The following DSCAM variants were observed in gnomAD, a reference collection of about 807,000 sequenced individuals.
DSCAM encodes the protein cell adhesion molecule DSCAM.
DSCAM carries 47 observed loss-of-function variants against 217.7 expected under a neutral mutation model. The observed-to-expected ratio is 0.22, with a 90% CI of 0.17 to 0.28. The LOEUF (loss-of-function observed/expected upper bound fraction) is 0.28, where lower values mean the gene tolerates loss of function less well. Among genes scored for constraint, DSCAM ranks in the 10% least tolerant of loss-of-function variants. DSCAM has a pLI of 1.00. For synonymous variants in DSCAM, 1,056 were observed against 1,015.3 expected, an observed-to-expected ratio of 1.04 and a Z score of -0.76; for missense variants, 2,080 against 2,618.3, an observed-to-expected ratio of 0.79 and a Z score of 4.49.
intron 3 of DSCAM, among the ~76,000 whole-genome samples, chr21:40,425,946 G>T (rs1393369767): frequency 6.6e-6 from 1 of 152,076 alleles, no homozygotes; most frequent in Admixed American, 6.6e-5. Context: ...CTTTTGTAGG[G>T]GGCAGAATAA....
intron 16 of DSCAM, among the ~76,000 whole-genome samples, chr21:40,162,004 T>C (rs1225049934): frequency 6.6e-6 from 1 of 152,210 alleles, no homozygotes; most frequent in Admixed American, 6.5e-5. Flanking sequence ...TCATATATCT[T>C]TAATTTTTAT....
chr21:40,015,852 A>G (rs752809565), intron 32 of DSCAM, among the ~76,000 whole-genome samples: 1 of 152,072 alleles, frequency 6.6e-6, no homozygotes, highest in Non-Finnish European at 1.5e-5. Context: ...TGCAACCAAC[A>G]CTGCCTGACT....
At chr21:40,171,570 T>TA (rs1389834089) in intron 15 of DSCAM, among the ~76,000 whole-genome samples, 1,991 of 124,064 alleles carry the variant, frequency 0.016, 53 homozygotes, top group East Asian at 0.14. Context: ...TCCCTCCTCC[T>TA]AAAAAAAAAA....
intron 8 of DSCAM, among the ~76,000 whole-genome samples, chr21:40,321,571 A>G (rs1601549176): frequency 6.8e-6 from 1 of 147,782 alleles, no homozygotes; most frequent in African/African-American, 2.5e-5. Context: ...CAGTACTATC[A>G]CCTTTTTAAT....
intron 3 of DSCAM, among the ~76,000 whole-genome samples, chr21:40,413,899 A>G (rs1001404907): frequency 3.9e-5 from 6 of 152,220 alleles, no homozygotes; most frequent in Non-Finnish European, 7.3e-5. Flanking sequence ...GAACATACAT[A>G]GGGGAAAAAA....
At chr21:40,533,616 T>TCCATTCAA (rs146606725) in intron 3 of DSCAM, among the ~76,000 whole-genome samples, 2 of 141,206 alleles carry the variant, frequency 1.4e-5, no homozygotes, top group East Asian at 2.2e-4. Context: ...CATCCATCCA[T>TCCATTCAA]CCATCCATCC....
intron 3 of DSCAM, among the ~76,000 whole-genome samples, chr21:40,661,152 A>C (rs34960333): frequency 0.034 from 5,193 of 152,298 alleles, 150 homozygotes; most frequent in Non-Finnish European, 0.06. Context: ...AATCTAAGAA[A>C]AATCTTAGCA....
chr21:40,768,486 T>C (rs2091415796), intron 1 of DSCAM, among the ~76,000 whole-genome samples: 1 of 152,236 alleles, frequency 6.6e-6, no homozygotes, highest in Non-Finnish European at 1.5e-5. Flanking sequence ...GAAAGCATTC[T>C]TCTCTATCCC....
intron 1 of DSCAM, among the ~76,000 whole-genome samples, chr21:40,829,727 C>T (rs1298398084): frequency 6.6e-6 from 1 of 152,082 alleles, no homozygotes; most frequent in Non-Finnish European, 1.5e-5. Context: ...ATCCAAATAC[C>T]ATAGAAATGG....
chr21:40,736,743 CA>C (rs2091067356), intron 1 of DSCAM, among the ~76,000 whole-genome samples: 1 of 152,198 alleles, frequency 6.6e-6, no homozygotes, highest in Non-Finnish European at 1.5e-5. Context: ...TATGATGTCA[CA>C]GATTGTCAAG....
At chr21:40,591,162 A>G (rs533596745) in intron 3 of DSCAM, among the ~76,000 whole-genome samples, 1 of 152,310 alleles carries the variant, frequency 6.6e-6, no homozygotes, top group Non-Finnish European at 1.5e-5. Flanking sequence ...CCACCTTGTG[A>G]AGAAGGTGCC....
At chr21:40,105,016 G>T (rs751047419) in intron 20 of DSCAM, among the ~76,000 whole-genome samples, 1 of 152,158 alleles carries the variant, frequency 6.6e-6, no homozygotes, top group Non-Finnish European at 1.5e-5. Flanking sequence ...CAGGTTATCT[G>T]ACAAATCAGG....
At chr21:40,464,719 C>T (rs1057186185) in intron 3 of DSCAM, among the ~76,000 whole-genome samples, 8 of 151,616 alleles carry the variant, frequency 5.3e-5, no homozygotes, top group Admixed American at 5.3e-4. Flanking sequence ...TGTTCCGTCA[C>T]TAATTCATTC....
Position 40,087,241 on chromosome 21 carries a change from C to A in DSCAM, c.3897G>T (p.Trp1299Cys). The A allele has an allele frequency of 1.2e-6, 2 of 1,614,138 alleles. No individual in the cohort carries two copies. The highest frequency in any genetic ancestry group is 1.7e-6 in the Non-Finnish European group (2 of 1,179,986). The change falls in exon 22 of 33, where the codon TGG (tryptophan) becomes TGT (cysteine). Residue 1299 changes from tryptophan to cysteine, a missense_variant. Coordinates refer to ENST00000400454, the MANE Select transcript of DSCAM (RefSeq NM_001389.5). Reference protein sequence around the residue: ...LTFSGTVTTPWMKDIVLPCKA... With the variant: ...LTFSGTVTTPCMKDIVLPCKA... ...TACAAGGCAAGACAATGTCTTTCAT[C>A]CATGGAGTAGTCACTGTCCCACTGA...
intron 32 of DSCAM, among the ~76,000 whole-genome samples, chr21:40,032,471 G>C (rs1358346016): frequency 6.6e-6 from 1 of 152,040 alleles, no homozygotes; most frequent in Non-Finnish European, 1.5e-5. Flanking sequence ...CTGAGTACAA[G>C]CCAAGAATTG....
At chr21:40,290,659 T>C (rs1365617015) in intron 10 of DSCAM, among the ~76,000 whole-genome samples, 2 of 152,140 alleles carry the variant, frequency 1.3e-5, no homozygotes, top group African/African-American at 2.4e-5. Context: ...GACTTCAAAG[T>C]CAGCTCTTTG....
At chr21:40,505,440 C>T (rs1377898509) in intron 3 of DSCAM, among the ~76,000 whole-genome samples, 1 of 151,686 alleles carries the variant, frequency 6.6e-6, no homozygotes, top group Non-Finnish European at 1.5e-5. Flanking sequence ...TGATTCACAG[C>T]ATTCTGAGAA....
chr21:40,627,891 G>A (rs1203717912), intron 3 of DSCAM, among the ~76,000 whole-genome samples: 1 of 152,094 alleles, frequency 6.6e-6, no homozygotes, highest in African/African-American at 2.4e-5. Flanking sequence ...CCCATTCTTG[G>A]ACAGAGTTTT....
At chr21:40,285,764 AT>A (rs2073816584) in intron 10 of DSCAM, among the ~76,000 whole-genome samples, 1 of 152,074 alleles carries the variant, frequency 6.6e-6, no homozygotes, top group Admixed American at 6.5e-5. Flanking sequence ...ACTTGGGTTT[AT>A]TTTTACCATG....
Sources: allele counts gnomAD v4.1 joint callset (sites outside exome capture counted in the v4.1 genomes callset), GRCh38; gene constraint gnomAD v4.1.1; transcripts MANE v1.5; gene names NCBI Gene and HGNC (gene_info 2026-07-23, HGNC 2026-07-21).